Variants in MSLN observed in about 807,000 individuals in gnomAD.
MSLN encodes mesothelin.
MSLN carries 82 observed loss-of-function variants against 72.6 expected under a neutral mutation model. That is an observed-to-expected ratio of 1.13 (90% CI 0.94 to 1.36). The LOEUF (loss-of-function observed/expected upper bound fraction) is 1.36, where lower values mean the gene tolerates loss of function less well. Ranked by LOEUF, MSLN falls within the 40% of genes most tolerant of loss-of-function variation. MSLN has a pLI of 0.00. For synonymous variants in MSLN, 456 were observed against 387.3 expected, an observed-to-expected ratio of 1.18 and a Z score of -2.08; for missense variants, 1,005 against 847.9, an observed-to-expected ratio of 1.19 and a Z score of -2.30.
intron 7 of MSLN, 30 bp downstream of exon 7, chr16:764,756 C>CCG: frequency 6.3e-7 from 1 of 1,577,722 alleles, no homozygotes; most frequent in Non-Finnish European, 8.7e-7. Context: ...CCCACCCCCC[C>CCG]GGCTTTTGCC....
At position 766,104 on chromosome 16, in the gene MSLN, G is replaced by A; in HGVS notation, c.941G>A (p.Ser314Asn). The change falls in exon 12 of 18, where the codon AGC becomes AAC. Residue 314 changes from serine (S) to asparagine (N), a missense_variant. Ser to Asn is a conservative substitution (Grantham distance 46, BLOSUM62 1). Coordinates refer to ENST00000545450, the MANE Select transcript of MSLN (RefSeq NM_005823.6). The stretch of plus-strand genomic sequence containing the variant: ...AAGAAGGCCCGCGAGATAGACGAGA[G>A]CCTCATCTTCTACAAGAAGTGGGAG... ...SGKKAREIDESLIFYKKWELE... is the reference protein window; with the variant it reads ...SGKKAREIDENLIFYKKWELE... 1 of 1,612,662 alleles carries A rather than the reference G, an allele frequency of 6.2e-7. No homozygotes were observed. The highest frequency in any genetic ancestry group is 8.5e-7 in the Non-Finnish European group (1 of 1,179,872).
Position 762,769 on chromosome 16 carries a change from CGTACTT to C in MSLN, c.85+6_85+11del. On this transcript the variant is annotated splice_donor_5th_base_variant and intron_variant, in intron 3 of 17. Coordinates refer to ENST00000545450, the MANE Select transcript of MSLN (RefSeq NM_005823.6). ...CTGTTCCTGCTCTTCAGCCTCGGTG[CGTACTT>C]GATGGGGCTGCTGGTGAGGTGGGGA... 6.4e-7 allele frequency: 1 copy of C among 1,574,356 alleles called. No homozygotes were observed. Among genetic ancestry groups the C allele is most frequent in the Non-Finnish European group, 8.6e-7 (1 of 1,163,680 alleles).
rs1285589179 is a variant in MSLN at position 764,745 on chromosome 16, A to G, written c.380+19A>G. ...TCCTCAAGTAGGCCCTGCCCCCTGAACCCACCCCCCCGGCTTTTGCCGCCA... is the reference window on the plus strand; with the variant it reads ...TCCTCAAGTAGGCCCTGCCCCCTGAGCCCACCCCCCCGGCTTTTGCCGCCA... On this transcript the variant is annotated intron_variant, in intron 7 of 17. Transcript: ENST00000545450. 6.3e-7 allele frequency: 1 copy of G among 1,591,614 alleles called. No homozygotes were observed. The highest frequency in any genetic ancestry group is 8.6e-7 in the Non-Finnish European group (1 of 1,164,322).
chr16:767,354 G>C (rs202091327), intron 15 of MSLN, 22 bp from the exon 16 acceptor site: 4 of 1,606,266 alleles, frequency 2.5e-6, no homozygotes, highest in Admixed American at 1.7e-5. Context: ...GCCTCAGCTC[G>C]GGCCCCTCTC....
Position 768,846 on chromosome 16 carries a change from C to A in MSLN, c.*113C>A. 3 of 1,005,836 alleles carry A rather than the reference C, an allele frequency of 3.0e-6. No individual in the cohort carries two copies. The highest frequency in any genetic ancestry group is 1.4e-5 in the South Asian group (1 of 74,060). The allele number at this position is 1,005,836 out of a possible 1,614,324, so 62.3% of individuals were successfully genotyped here. On this transcript the variant is annotated 3_prime_UTR_variant, in exon 18 of 18. Coordinates refer to ENST00000545450, the MANE Select transcript of MSLN (RefSeq NM_005823.6). ...AGAACTCGCGCTCAGTAAACGGGAACATGCCCCCTGCAGACACGTCTTGTG... is the reference window on the plus strand; with the variant it reads ...AGAACTCGCGCTCAGTAAACGGGAAAATGCCCCCTGCAGACACGTCTTGTG...
chr16:767,438 A>G lies in MSLN; in HGVS notation c.1564A>G (p.Thr522Ala). Residue 522 changes from threonine to alanine, a missense_variant, in exon 16 of 18, where the codon ACG becomes GCG. By Grantham distance (58) the Thr-to-Ala change is moderately conservative. Transcript: ENST00000545450. ...GCAGAATGTGAGCATGGACTTGGCC[A>G]CGTTCATGAAGCTGCGGACGGATGC... ...SQQNVSMDLA[T>A]FMKLRTDAVL... The G allele has an allele frequency of 6.3e-7, 1 of 1,590,216 alleles. No homozygotes were observed. The highest frequency in any genetic ancestry group is 8.5e-7 in the Non-Finnish European group (1 of 1,171,082).
At chr16:767,329 G>C in intron 15 of MSLN, 47 bp from the exon 16 acceptor site, 1 of 1,525,412 alleles carries the variant, frequency 6.6e-7, no homozygotes, top group Non-Finnish European at 9.1e-7. Flanking sequence ...CAAGGGCCTG[G>C]GGGTGTGAGG....
rs780812757 is a variant in MSLN, at chr16:762,882, C to T, written c.85+117C>T. ...CTCCCTGGAGTGCCTGTGGTGGCCA[C>T]GTCTCAGCAGCAGTCTCTGCCCCCA... On this transcript the variant is annotated intron_variant, in intron 3 of 17. Coordinates refer to ENST00000545450, the MANE Select transcript of MSLN (RefSeq NM_005823.6). The T allele has an allele frequency of 5.6e-5, 46 of 816,104 alleles. No homozygotes were observed. The Admixed American group carries it at 5.9e-4, about 10-fold the overall frequency. The allele number at this position is 816,104 out of a possible 1,614,324, so 50.6% of individuals were successfully genotyped here.
At position 765,781 on chromosome 16, in the gene MSLN, G is replaced by A. The variant is rs145858389; in HGVS notation, c.886G>A (p.Glu296Lys). Residue 296 changes from glutamate to lysine, a missense_variant, in exon 11 of 18, where the codon GAA becomes AAA. Transcript: ENST00000545450. Reference sequence around the variant, plus strand: ...CATCCTCCGGCCGCGGTTCCGGCGGGAAGTGGAGAGTGAGTGCCGTGCCCT... The same window carrying A: ...CATCCTCCGGCCGCGGTTCCGGCGGAAAGTGGAGAGTGAGTGCCGTGCCCT... ...RTILRPRFRR[E>K]VEKTACPSGK... 6.8e-4 allele frequency: 1,091 copies of A among 1,598,764 alleles called. 1 individual carries two copies. Among genetic ancestry groups the A allele is most frequent in the Non-Finnish European group, 8.7e-4 (1,032 of 1,179,526 alleles).
intron 4 of MSLN, among the ~76,000 whole-genome samples, 166 bp downstream of exon 4, chr16:763,442 C>T (rs1196877873): frequency 6.6e-6 from 1 of 152,248 alleles, no homozygotes; most frequent in East Asian, 1.9e-4. Flanking sequence ...CAGCCAGGTC[C>T]AGGGAGCGGC....
chr16:762,266 G>A (rs980091503), intron 2 of MSLN, among the ~76,000 whole-genome samples: 16 of 152,252 alleles, frequency 1.1e-4, no homozygotes, highest in Non-Finnish European at 2.2e-4. Flanking sequence ...GAGGGCAGGG[G>A]AGAGGGAAGG....
In MSLN at chr16:764,062, G is replaced by C. The variant is rs370415302; in HGVS notation, c.219G>C (p.Glu73Asp). ...AACTCCTTGGCTTCCCGTGTGCGGAGGTGTCCGGCCTGAGCACGGAGCGTG... is the reference window on the plus strand; with the variant it reads ...AACTCCTTGGCTTCCCGTGTGCGGACGTGTCCGGCCTGAGCACGGAGCGTG... ...PRQLLGFPCA[E>D]VSGLSTERVR... The change falls in exon 6 of 18, where the codon GAG (glutamate) becomes GAC (aspartate). Residue 73 changes from glutamate (E) to aspartate (D), a missense_variant. By Grantham distance (45) the Glu-to-Asp change is conservative. Coordinates refer to ENST00000545450, the MANE Select transcript of MSLN (RefSeq NM_005823.6). The C allele has an allele frequency of 2.5e-6, 4 of 1,605,388 alleles. No homozygotes were observed. The highest frequency in any genetic ancestry group is 3.4e-6 in the Non-Finnish European group (4 of 1,179,796).
chr16:764,111 G>C lies in MSLN; in HGVS notation c.268G>C (p.Ala90Pro). The C allele has an allele frequency of 6.2e-7, 1 of 1,606,130 alleles. No homozygotes were observed. The highest frequency in any genetic ancestry group is 2.2e-5 in the East Asian group (1 of 44,862). Residue 90 changes from alanine (A) to proline (P), a missense_variant, in exon 6 of 18, where the codon GCA becomes CCA. By Grantham distance (27) the Ala-to-Pro change is conservative. Transcript: ENST00000545450. ...TGTCCGGGAGCTGGCTGTGGCCTTG[G>C]CACAGAAGAATGTCAAGCTCTCAAC... Reference protein sequence around the residue: ...ERVRELAVALAQKNVKLSTEQ... With the variant: ...ERVRELAVALPQKNVKLSTEQ...
rs1261233143 is a variant in MSLN, at chr16:767,401, G to A, written c.1527G>A (p.Lys509=). 2 of 1,609,800 alleles carry A rather than the reference G, an allele frequency of 1.2e-6. No homozygotes were observed. The highest frequency in any genetic ancestry group is 1.3e-5 in the African/African-American group (1 of 74,114). Residue 509 remains lysine (K), a synonymous_variant, in exon 16 of 18, where the codon AAG becomes AAA. Transcript: ENST00000545450. ...GTGGGGCCCCCACGGAGGATTTGAAGGCGCTCAGTCAGCAGAATGTGAGCA... is the reference window on the plus strand; with the variant it reads ...GTGGGGCCCCCACGGAGGATTTGAAAGCGCTCAGTCAGCAGAATGTGAGCA... ...FLGGAPTEDL[K]ALSQQNVSMD...
intron 2 of MSLN, among the ~76,000 whole-genome samples, chr16:762,127 G>A (rs1466015680): frequency 6.6e-6 from 1 of 152,208 alleles, no homozygotes; most frequent in African/African-American, 2.4e-5. Flanking sequence ...GAGAGGCCAA[G>A]TGGCCCAAAA....
rs1323816442 is a variant in MSLN, at chr16:765,915, T to C, written c.895+125T>C. On this transcript the variant is annotated intron_variant, in intron 11 of 17. Coordinates refer to ENST00000545450, the MANE Select transcript of MSLN (RefSeq NM_005823.6). Reference sequence around the variant, plus strand: ...CACATCCCATTATAATCACAGAGAGTGGACAGAATCCCTGTTTGCCAGTGG... The same window carrying C: ...CACATCCCATTATAATCACAGAGAGCGGACAGAATCCCTGTTTGCCAGTGG... 28 of 1,321,942 alleles carry C rather than the reference T, an allele frequency of 2.1e-5. No individual in the cohort carries two copies. In the East Asian group the frequency reaches 6.4e-4, roughly 30 times the overall value. 81.9% of individuals were successfully genotyped at this position (1,321,942 alleles called of 1,614,324 possible).
chr16:767,995 C>T (rs1310679106), intron 16 of MSLN, among the ~76,000 whole-genome samples: 2 of 23,896 alleles, frequency 8.4e-5, no homozygotes, highest in Admixed American at 9.8e-4. Context: ...GAGGGGGGCG[C>T]GTGGAGGAGG....
chr16:765,418 C>A, intron 9 of MSLN, 109 bp from the exon 10 acceptor site: 1 of 1,412,912 alleles, frequency 7.1e-7, no homozygotes, highest in East Asian at 2.5e-5. Context: ...GCCACCACCC[C>A]TGCCAATGCC....
At chr16:765,498 T>G (rs756105733) in intron 9 of MSLN, 29 bp from the exon 10 acceptor site, 26 of 1,581,746 alleles carry the variant, frequency 1.6e-5, no homozygotes, top group South Asian at 1.1e-5. Flanking sequence ...ACGTGGGGGG[T>G]CCCTGAGCTG....
Sources: allele counts gnomAD v4.1 joint callset (sites outside exome capture counted in the v4.1 genomes callset), GRCh38; gene constraint gnomAD v4.1.1; transcripts MANE v1.5; gene names NCBI Gene and HGNC (gene_info 2026-07-23, HGNC 2026-07-21).